The following PTPRN2 variants were observed in gnomAD, a reference collection of about 807,000 sequenced individuals.
PTPRN2 encodes the protein receptor-type tyrosine-protein phosphatase N2.
Under a neutral mutation model 118.8 loss-of-function variants are expected in PTPRN2, and 74 were observed. That is an observed-to-expected ratio of 0.62 (90% confidence interval 0.52 to 0.76). The LOEUF (loss-of-function observed/expected upper bound fraction) is 0.76, where lower values mean the gene tolerates loss of function less well. Ranked by LOEUF, PTPRN2 falls within the 30% of genes least tolerant of loss-of-function variation. The pLI is 0.00. For missense variants in PTPRN2, 1,481 were observed against 1,394.4 expected, an observed-to-expected ratio of 1.06 and a Z score of -0.99; for synonymous variants, 641 against 608.0, an observed-to-expected ratio of 1.05 and a Z score of -0.80.
intron 12 of PTPRN2, among the ~76,000 whole-genome samples, chr7:157,776,382 C>T (rs1803250777): frequency 1.2e-5 from 1 of 86,426 alleles, no homozygotes; most frequent in African/African-American, 4.4e-5. Flanking sequence ...TTCTTCCTCA[C>T]TCTCCTCCTC....
At chr7:158,486,436 C>A (rs1347314670) in intron 2 of PTPRN2, among the ~76,000 whole-genome samples, 1 of 152,190 alleles carries the variant, frequency 6.6e-6, no homozygotes, top group African/African-American at 2.4e-5. Flanking sequence ...GAAATCAAAT[C>A]CGCTTTAAAA....
intron 6 of PTPRN2, among the ~76,000 whole-genome samples, chr7:158,155,636 ACCACCGTCATCATTGCCATCAT>A (rs1203004001): frequency 2.0e-5 from 3 of 152,088 alleles, no homozygotes; most frequent in Non-Finnish European, 4.4e-5. Context: ...CACCATCATC[ACCACCGTCATCATTGCCATCAT>A]CACCATCACC....
rs899788572 is a variant in PTPRN2 at position 157,712,141 on chromosome 7, C to T, written c.1789-29204G>A. Reference sequence around the variant, plus strand: ...GGAAGGGGGGCTGGGTGGCTGGGGGCGGCCAGTCCTACCCCAAGGGGAGAG... The same window carrying T: ...GGAAGGGGGGCTGGGTGGCTGGGGGTGGCCAGTCCTACCCCAAGGGGAGAG... On this transcript the variant is annotated intron_variant, in intron 12 of 22. Transcript: ENST00000389418. Among the ~76,000 whole-genome samples, 5 of 150,624 alleles carry T rather than the reference C, an allele frequency of 3.3e-5. No homozygotes were observed. In the East Asian group the frequency reaches 5.9e-4, roughly 18 times the overall value.
chr7:157,984,864 T>C (rs1168019280), intron 11 of PTPRN2, among the ~76,000 whole-genome samples: 1 of 152,206 alleles, frequency 6.6e-6, no homozygotes, highest in East Asian at 1.9e-4. Context: ...AGGCCCTGCC[T>C]CAGCCACTGG....
At chr7:157,559,720 C>T (rs1799082890) in intron 21 of PTPRN2, among the ~76,000 whole-genome samples, 1 of 152,188 alleles carries the variant, frequency 6.6e-6, no homozygotes, top group Non-Finnish European at 1.5e-5. Flanking sequence ...GGACTTTGAT[C>T]CCCTCCCGAA....
chr7:158,197,616 A>G (rs1826310548), intron 4 of PTPRN2, among the ~76,000 whole-genome samples: 1 of 152,228 alleles, frequency 6.6e-6, no homozygotes, highest in Admixed American at 6.5e-5. Context: ...TGGGTAATTT[A>G]TAAAGGAGAG....
In PTPRN2 at chr7:158,260,644, G is replaced by A. The variant is rs374777525; in HGVS notation, c.278-55371C>T. On this transcript the variant is annotated intron_variant, in intron 3 of 22. Transcript: ENST00000389418. ...TGCTGATAGTAAGGTTAAAATCCCC[G>A]TCCACATAACACACCCACACACAAA... is the stretch of plus-strand genomic sequence containing the variant. Among the ~76,000 whole-genome samples, 8 of 152,116 alleles carry A rather than the reference G, an allele frequency of 5.3e-5. No homozygotes were observed. The East Asian group carries it at 9.6e-4, about 18-fold the overall frequency.
chr7:158,545,947 C>G (rs1481907638), intron 1 of PTPRN2, among the ~76,000 whole-genome samples: 1 of 151,844 alleles, frequency 6.6e-6, no homozygotes, highest in African/African-American at 2.4e-5. Flanking sequence ...TGCAGTGAGC[C>G]GAAATTACGC....
At chr7:157,694,000 A>C (rs1446620957) in intron 12 of PTPRN2, among the ~76,000 whole-genome samples, 1 of 152,266 alleles carries the variant, frequency 6.6e-6, no homozygotes, top group Non-Finnish European at 1.5e-5. Context: ...TGGGGCGGCC[A>C]CGGGGCCGGC....
chr7:157,887,173 G>A (rs1187465068), intron 12 of PTPRN2, among the ~76,000 whole-genome samples: 1 of 152,104 alleles, frequency 6.6e-6, no homozygotes, highest in African/African-American at 2.4e-5. Context: ...AGGCTTATCT[G>A]GGGTCCTCAG....
At chr7:158,577,756 G>A (rs1331220419) in intron 1 of PTPRN2, among the ~76,000 whole-genome samples, 1 of 152,258 alleles carries the variant, frequency 6.6e-6, no homozygotes, top group Non-Finnish European at 1.5e-5. Context: ...CCCCAAGTAT[G>A]GGATGTGATG....
At chr7:157,935,426 A>G (rs1271494622) in intron 11 of PTPRN2, among the ~76,000 whole-genome samples, 3 of 152,160 alleles carry the variant, frequency 2.0e-5, no homozygotes, top group African/African-American at 4.8e-5. Flanking sequence ...TGTAAAGCCC[A>G]TGCAGTGAAT....
chr7:158,242,711 T>A (rs1359891658), intron 3 of PTPRN2, among the ~76,000 whole-genome samples: 2 of 152,220 alleles, frequency 1.3e-5, no homozygotes, highest in African/African-American at 4.8e-5. Context: ...ATCTCCTTAC[T>A]CGTTACAGTC....
At chr7:158,008,013 AGT>A (rs1293075170) in intron 11 of PTPRN2, among the ~76,000 whole-genome samples, 5 of 102,006 alleles carry the variant, frequency 4.9e-5, no homozygotes, top group African/African-American at 1.6e-4. Context: ...TGCACGTGTG[AGT>A]GTGTGTGCTG....
rs1402668519 is a variant in PTPRN2 at position 158,133,867 on chromosome 7, G to C, written c.1366C>G (p.Leu456Val). The change falls in exon 9 of 23, where the codon CTG (leucine) becomes GTG (valine). Residue 456 changes from leucine to valine, a missense_variant. Transcript: ENST00000389418. ...TCCGAATGCGGCTGCTGCCCCAGCA[G>C]ATCTTTGGAATACGTCTGGCTCTTG... The part of the protein sequence containing the change: ...NVKSQTYSKD[L>V]LGQQPHSEPG... The C allele has an allele frequency of 1.2e-6, 2 of 1,613,924 alleles. No individual in the cohort carries two copies.
At chr7:158,286,491 C>T (rs1799780414) in intron 3 of PTPRN2, among the ~76,000 whole-genome samples, 1 of 152,110 alleles carries the variant, frequency 6.6e-6, no homozygotes, top group Admixed American at 6.5e-5. Context: ...GTGAGTTTGT[C>T]ATATATGGTC....
At position 157,743,229 on chromosome 7, in the gene PTPRN2, G is replaced by C. The variant is rs183390678; in HGVS notation, c.1789-60292C>G. Among the ~76,000 whole-genome samples the C allele has an allele frequency of 2.2e-4, 33 of 152,332 alleles. No homozygotes were observed. The East Asian group carries it at 6.4e-3, about 29-fold the overall frequency. ...AGGCAGCTCTGGGAACCGACCATCA[G>C]CAAAGGTCAGAGACTTAGATGCCCA... On this transcript the variant is annotated intron_variant, in intron 12 of 22. Coordinates refer to ENST00000389418, the MANE Select transcript of PTPRN2 (RefSeq NM_002847.5).
At chr7:157,960,232 A>G (rs1049852981) in intron 11 of PTPRN2, among the ~76,000 whole-genome samples, 2 of 152,204 alleles carry the variant, frequency 1.3e-5, no homozygotes, top group African/African-American at 4.8e-5. Context: ...GAGAAAATGA[A>G]CAAGTTTTGG....
intron 9 of PTPRN2, among the ~76,000 whole-genome samples, chr7:158,119,235 A>G (rs978986651): frequency 6.6e-6 from 1 of 152,224 alleles, no homozygotes; most frequent in African/African-American, 2.4e-5. Context: ...TTTTCCTCCA[A>G]AGAAAATATA....
Sources: allele counts gnomAD v4.1 joint callset (sites outside exome capture counted in the v4.1 genomes callset), GRCh38; gene constraint gnomAD v4.1.1; transcripts MANE v1.5; gene names NCBI Gene and HGNC (gene_info 2026-07-23, HGNC 2026-07-21).